SMAP1: variants seen among roughly 807,000 people sequenced by gnomAD.
The protein encoded by SMAP1 is small ArfGAP 1.
SMAP1 carries 24 observed loss-of-function variants against 58.5 expected under a neutral mutation model. The ratio of observed to expected loss-of-function variants is 0.41; its 90% CI spans 0.30 to 0.58. The LOEUF is 0.58. Ranked by LOEUF, SMAP1 falls within the 20% of genes least tolerant of loss-of-function variation. SMAP1 has a pLI of 0.29. For synonymous variants in SMAP1, 216 were observed against 196.6 expected (o/e 1.10, Z -0.82); for missense variants, 563 against 566.3 (o/e 0.99, Z 0.06).
chr6:70,683,084 C>T (rs1175432844), intron 1 of SMAP1, among the ~76,000 whole-genome samples: 1 of 150,994 alleles, frequency 6.6e-6, no homozygotes, highest in African/African-American at 2.4e-5. Flanking sequence ...ACTGGGTATT[C>T]ATATTTTTAA....
intron 4 of SMAP1, among the ~76,000 whole-genome samples, chr6:70,778,630 C>G (rs1767638273): frequency 6.6e-6 from 1 of 152,196 alleles, no homozygotes; most frequent in African/African-American, 2.4e-5. Context: ...CCTCAAGCCC[C>G]TGGTTGGGTC....
At chr6:70,729,878 A>G (rs992718136) in intron 1 of SMAP1, among the ~76,000 whole-genome samples, 9 of 152,304 alleles carry the variant, frequency 5.9e-5, no homozygotes, top group Non-Finnish European at 1.0e-4. Flanking sequence ...TCAAAATGTC[A>G]TCTGTGGATG....
At position 70,861,816 on chromosome 6, in the gene SMAP1, A is replaced by G. The variant is rs1367543431; in HGVS notation, c.*1482A>G. 2 of 1,614,072 alleles carry G rather than the reference A, an allele frequency of 1.2e-6. No homozygotes were observed. The highest frequency in any genetic ancestry group is 1.7e-6 in the Non-Finnish European group (2 of 1,179,972). On this transcript the variant is annotated 3_prime_UTR_variant, in exon 11 of 11. Coordinates refer to ENST00000370455, the MANE Select transcript of SMAP1 (RefSeq NM_001044305.3). ...GTGACACTCGAGGTCGGGCAGCACA[A>G]GTGTAATGAATACCTTAGTGCAGTT...
intron 6 of SMAP1, among the ~76,000 whole-genome samples, chr6:70,811,235 A>G (rs1337644437): frequency 6.6e-6 from 1 of 152,108 alleles, no homozygotes; most frequent in Non-Finnish European, 1.5e-5. Context: ...ATTTCTGAGT[A>G]CCTACTACAT....
intron 1 of SMAP1, among the ~76,000 whole-genome samples, chr6:70,696,151 TTG>T (rs1189557849): frequency 2.0e-5 from 3 of 152,168 alleles, no homozygotes; most frequent in Admixed American, 6.5e-5. Context: ...TTTTATTTAT[TTG>T]TGTCTTCTTT....
At chr6:70,741,753 C>T (rs1314931632) in intron 2 of SMAP1, among the ~76,000 whole-genome samples, 1 of 152,224 alleles carries the variant, frequency 6.6e-6, no homozygotes, top group East Asian at 1.9e-4. Flanking sequence ...AGAGGTTCTC[C>T]ATGAGGGCCC....
intron 2 of SMAP1, among the ~76,000 whole-genome samples, chr6:70,750,967 C>T (rs1035055713): frequency 4.6e-5 from 7 of 152,226 alleles, no homozygotes; most frequent in East Asian, 1.9e-4. Flanking sequence ...TGGCAGGGTG[C>T]GGTGGCTCAT....
chr6:70,775,704 AG>A (rs1269466565), intron 4 of SMAP1, among the ~76,000 whole-genome samples: 1 of 152,188 alleles, frequency 6.6e-6, no homozygotes, highest in East Asian at 1.9e-4. Context: ...AAAAATTTTA[AG>A]GTAAAAGTCT....
At chr6:70,852,293 TG>T (rs934433277) in intron 7 of SMAP1, among the ~76,000 whole-genome samples, 14 of 152,324 alleles carry the variant, frequency 9.2e-5, no homozygotes, top group Admixed American at 2.0e-4. Flanking sequence ...ATGATACCAT[TG>T]GTTAAAAAGG....
chr6:70,794,325 G>A (rs1768502001), intron 5 of SMAP1, among the ~76,000 whole-genome samples: 1 of 152,100 alleles, frequency 6.6e-6, no homozygotes, highest in African/African-American at 2.4e-5. Context: ...GTCATCTGTG[G>A]GTCAAACTGC....
At chr6:70,853,302 TTAACA>T (rs1771259574) in intron 8 of SMAP1, among the ~76,000 whole-genome samples, 1 of 152,186 alleles carries the variant, frequency 6.6e-6, no homozygotes, top group African/African-American at 2.4e-5. Flanking sequence ...AATTGCCTTC[TTAACA>T]TTACATGGAA....
chr6:70,683,007 C>T (rs531633066), intron 1 of SMAP1, among the ~76,000 whole-genome samples: 23 of 152,050 alleles, frequency 1.5e-4, no homozygotes, highest in African/African-American at 5.5e-4. Flanking sequence ...CACTGCACTC[C>T]AACCTGGCGA....
Position 70,759,730 on chromosome 6 carries a change from A to T in SMAP1, c.338+4665A>T, listed in dbSNP as rs2149895335. 4 of 267,556 alleles carry T rather than the reference A, an allele frequency of 1.5e-5. No homozygotes were observed. In the East Asian group the frequency reaches 2.6e-4, roughly 17 times the overall value. The allele number at this position is 267,556 out of a possible 1,614,324, so 16.6% of individuals were successfully genotyped here. A position where few individuals can be genotyped will look rare whatever the true frequency, so the allele number is the denominator to read the frequency against. On this transcript the variant is annotated intron_variant, in intron 3 of 10. Coordinates refer to ENST00000370455, the MANE Select transcript of SMAP1 (RefSeq NM_001044305.3). ...TCTGTTATCTTGGCTGATATATTTTAAAATATTTGGTCCTTTTCTATAGAT... is the reference window on the plus strand; with the variant it reads ...TCTGTTATCTTGGCTGATATATTTTTAAATATTTGGTCCTTTTCTATAGAT...
At chr6:70,728,310 G>A (rs1481324111) in intron 1 of SMAP1, among the ~76,000 whole-genome samples, 1 of 152,156 alleles carries the variant, frequency 6.6e-6, no homozygotes, top group Non-Finnish European at 1.5e-5. Context: ...ACATTCTACA[G>A]GAGAGGCTGA....
Position 70,709,042 on chromosome 6 carries a change from A to G in SMAP1, c.119-23336A>G, listed in dbSNP as rs150771122. ...GATATCTAGAAAATCAGTCCAGACC[A>G]GTATGAAGGAGCTTTTCCCTATATT... On this transcript the variant is annotated intron_variant, in intron 1 of 10. Coordinates refer to ENST00000370455, the MANE Select transcript of SMAP1 (RefSeq NM_001044305.3). 1.8e-3 allele frequency among the ~76,000 whole-genome samples: 275 copies of G among 151,996 alleles called. 1 individual carries two copies. Among genetic ancestry groups the G allele is most frequent in the African/African-American group, 6.0e-3 (248 of 41,438 alleles).
At chr6:70,724,693 T>A (rs1768687223) in intron 1 of SMAP1, among the ~76,000 whole-genome samples, 1 of 152,242 alleles carries the variant, frequency 6.6e-6, no homozygotes, top group African/African-American at 2.4e-5. Flanking sequence ...TGTAAAATGT[T>A]ATACCTACAT....
chr6:70,793,206 T>C (rs1305197523), intron 5 of SMAP1, among the ~76,000 whole-genome samples: 1 of 152,020 alleles, frequency 6.6e-6, no homozygotes. Context: ...AGCTAATTTT[T>C]GTATTTTTAG....
chr6:70,684,324 T>C (rs563481579), intron 1 of SMAP1, among the ~76,000 whole-genome samples: 19 of 152,284 alleles, frequency 1.2e-4, no homozygotes, highest in African/African-American at 4.3e-4. Flanking sequence ...CACTAGAGCA[T>C]TGGTGAAGGG....
At chr6:70,723,232 C>T (rs9364103) in intron 1 of SMAP1, among the ~76,000 whole-genome samples, 26,024 of 152,042 alleles carry the variant, frequency 0.17, 3,557 homozygotes, top group East Asian at 0.61. Context: ...GCTCAAGCAT[C>T]CCTTCTGCCT....
Sources: allele counts gnomAD v4.1 joint callset (sites outside exome capture counted in the v4.1 genomes callset), GRCh38; gene constraint gnomAD v4.1.1; transcripts MANE v1.5; gene names NCBI Gene and HGNC (gene_info 2026-07-23, HGNC 2026-07-21).